Variants in ZNF292 observed in about 807,000 individuals in gnomAD.
ZNF292 encodes zinc finger protein 292.
A neutral mutation model predicts 217.9 loss-of-function variants in ZNF292; 26 were observed. That is an observed-to-expected ratio of 0.12 (90% CI 0.09 to 0.17). The LOEUF (loss-of-function observed/expected upper bound fraction) is 0.17, where lower values mean the gene tolerates loss of function less well. Among genes scored for constraint, ZNF292 ranks in the 10% least tolerant of loss-of-function variants. The pLI is 1.00. For synonymous variants in ZNF292, 1,257 were observed against 1,124.1 expected (o/e 1.12, Z -2.37); for missense variants, 2,904 against 3,175.2 (o/e 0.91, Z 2.05).
chr6:87,236,810 C>T (rs1773927657), intron 5 of ZNF292, among the ~76,000 whole-genome samples: 1 of 152,214 alleles, frequency 6.6e-6, no homozygotes, highest in Non-Finnish European at 1.5e-5. Flanking sequence ...GGACATGTTT[C>T]CATATCATTT....
At chr6:87,198,451 G>T (rs561668214) in intron 1 of ZNF292, among the ~76,000 whole-genome samples, 2 of 152,072 alleles carry the variant, frequency 1.3e-5, no homozygotes, top group Admixed American at 6.6e-5. Context: ...TGATCCGCCC[G>T]CCTGGGCCTC....
chr6:87,174,366 T>TA (rs1470350966), intron 1 of ZNF292: 1 of 133,822 alleles, frequency 7.5e-6, no homozygotes, highest in Non-Finnish European at 1.6e-5. Flanking sequence ...GTTTTACAGT[T>TA]AAAAAATAGA....
chr6:87,169,095 T>G (rs1478980942), intron 1 of ZNF292, among the ~76,000 whole-genome samples: 3 of 152,160 alleles, frequency 2.0e-5, no homozygotes, highest in Non-Finnish European at 2.9e-5. Flanking sequence ...CCAGCTGCAG[T>G]GCAGTGGCAC....
intron 4 of ZNF292, among the ~76,000 whole-genome samples, chr6:87,230,981 A>C (rs1773622090): frequency 6.6e-6 from 1 of 152,198 alleles, no homozygotes; most frequent in African/African-American, 2.4e-5. Context: ...CTAGTGGGAA[A>C]AGCAGACTAG....
Position 87,256,867 on chromosome 6 carries a change from C to T in ZNF292, c.3238C>T (p.Leu1080=). Residue 1080 remains leucine (L), a synonymous_variant, in exon 8 of 8, where the codon CTA becomes TTA. Transcript: ENST00000369577. The stretch of plus-strand genomic sequence containing the variant: ...TGCATTTGTTCCACCGCAGTCCGAC[C>T]TAAGTAATTCATTAGGAACTCCATC... ...SIAFVPPQSD[L]SNSLGTPSVP... The T allele has an allele frequency of 1.2e-6, 2 of 1,613,820 alleles. No homozygotes were observed. The highest frequency in any genetic ancestry group is 1.7e-6 in the Non-Finnish European group (2 of 1,179,810).
chr6:87,265,724 CAA>C lies in ZNF292; in HGVS notation c.*3924_*3925del, dbSNP rs1775784305. ...ATGCTGATCTCAAATGGCATTTATT[CAA>C]CCAGGACTGATAATCAACGTGTACA... is the stretch of plus-strand genomic sequence containing the variant. On this transcript the variant is annotated 3_prime_UTR_variant, in exon 8 of 8. Coordinates refer to ENST00000369577, the MANE Select transcript of ZNF292 (RefSeq NM_015021.3). Among the ~76,000 whole-genome samples the C allele has an allele frequency of 6.6e-6, 1 of 152,178 alleles. No individual in the cohort carries two copies. The highest frequency in any genetic ancestry group is 2.4e-5 in the African/African-American group (1 of 41,444).
chr6:87,187,714 C>CAAAAAAAAAAA (rs10687268), intron 1 of ZNF292, among the ~76,000 whole-genome samples: 1 of 96,666 alleles, frequency 1.0e-5, no homozygotes, highest in Non-Finnish European at 2.0e-5. Flanking sequence ...GACTCTGCCT[C>CAAAAAAAAAAA]AAAAAAAAAA....
In ZNF292 at chr6:87,263,710, A is replaced by G. The variant is rs1478075291; in HGVS notation, c.*1909A>G. 2 of 152,074 alleles carry G rather than the reference A, an allele frequency of 1.3e-5. No homozygotes were observed. The highest frequency in any genetic ancestry group is 2.9e-5 in the Non-Finnish European group (2 of 67,978). The allele number at this position is 152,074 out of a possible 1,614,324, so 9.4% of individuals were successfully genotyped here. A position where few individuals can be genotyped will look rare whatever the true frequency, so the allele number is the denominator to read the frequency against. On this transcript the variant is annotated 3_prime_UTR_variant, in exon 8 of 8. Transcript: ENST00000369577. Reference sequence around the variant, plus strand: ...TTAATACATGGGTTTTCTTTTTCCTAAATTAACAATAATTTAAATAACTGA... The same window carrying G: ...TTAATACATGGGTTTTCTTTTTCCTGAATTAACAATAATTTAAATAACTGA...
At chr6:87,252,223 C>G (rs534865337) in intron 7 of ZNF292, among the ~76,000 whole-genome samples, 3 of 151,662 alleles carry the variant, frequency 2.0e-5, no homozygotes, top group Admixed American at 2.0e-4. Flanking sequence ...GCAGTCTCGG[C>G]TCACTGCAAC....
intron 1 of ZNF292, among the ~76,000 whole-genome samples, chr6:87,204,443 G>GA (rs1335251746): frequency 6.6e-6 from 1 of 151,208 alleles, no homozygotes; most frequent in Non-Finnish European, 1.5e-5. Context: ...AATAGCTTAG[G>GA]AAAAAAATGT....
intron 1 of ZNF292, among the ~76,000 whole-genome samples, chr6:87,209,607 T>G (rs1030051416): frequency 6.6e-6 from 1 of 152,244 alleles, no homozygotes; most frequent in African/African-American, 2.4e-5. Flanking sequence ...ATTAAGTGCA[T>G]AAACTGATAG....
rs1554201444 is a variant in ZNF292, at chr6:87,226,678, TA to T, written c.539-6646del. 5.1e-3 allele frequency among the ~76,000 whole-genome samples: 688 copies of T among 134,734 alleles called. 7 individuals carry two copies. The highest frequency in any genetic ancestry group is 0.016 in the African/African-American group (555 of 34,866). 88.4% of individuals were successfully genotyped at this position (134,734 alleles called of 152,430 possible). A position where few individuals can be genotyped will look rare whatever the true frequency, so the allele number is the denominator to read the frequency against. Reference sequence around the variant, plus strand: ...ATATATAGATATATAGATATATAGATATATAGATTTTTTTTTTTTGAGACGG... The same window carrying T: ...ATATATAGATATATAGATATATAGATTATAGATTTTTTTTTTTTGAGACGG... On this transcript the variant is annotated intron_variant, in intron 4 of 7. Transcript: ENST00000369577.
At chr6:87,163,177 C>T (rs1391131564) in intron 1 of ZNF292, among the ~76,000 whole-genome samples, 7 of 152,100 alleles carry the variant, frequency 4.6e-5, no homozygotes, top group Admixed American at 3.3e-4. Context: ...TAGGGCTGGG[C>T]GCGGTGGCTC....
chr6:87,207,295 C>T (rs549316268), intron 1 of ZNF292, among the ~76,000 whole-genome samples: 28 of 152,288 alleles, frequency 1.8e-4, no homozygotes, highest in Non-Finnish European at 4.0e-4. Flanking sequence ...TAAACATTTG[C>T]ATCTAAAACT....
At chr6:87,201,414 T>G (rs1011581540) in intron 1 of ZNF292, among the ~76,000 whole-genome samples, 14 of 152,222 alleles carry the variant, frequency 9.2e-5, no homozygotes, top group Admixed American at 8.5e-4. Context: ...TGTTTTATTT[T>G]TTTCTTTGTA....
At chr6:87,249,236 G>T in intron 7 of ZNF292, 1 of 172,292 alleles carries the variant, frequency 5.8e-6, no homozygotes, top group Non-Finnish European at 1.3e-5. Flanking sequence ...GAGCAATGCT[G>T]TCACCTCAGC....
At chr6:87,227,720 A>G (rs1196497365) in intron 4 of ZNF292, among the ~76,000 whole-genome samples, 1 of 152,138 alleles carries the variant, frequency 6.6e-6, no homozygotes, top group Non-Finnish European at 1.5e-5. Context: ...GACTTATTTC[A>G]CTTAGCATAA....
chr6:87,170,193 A>G (rs879775498), intron 1 of ZNF292: 2 of 152,260 alleles, frequency 1.3e-5, no homozygotes, highest in Non-Finnish European at 2.9e-5. Context: ...AAAACATAAA[A>G]GCCTGATACT....
intron 7 of ZNF292, among the ~76,000 whole-genome samples, chr6:87,249,679 A>C (rs1390065719): frequency 6.6e-6 from 1 of 152,114 alleles, no homozygotes; most frequent in Non-Finnish European, 1.5e-5. Flanking sequence ...AGAGAGGTTA[A>C]CCTCGATGTA....
Sources: gnomAD v4.1 joint callset for allele counts (sites outside exome capture counted in the v4.1 genomes callset) on GRCh38, gnomAD v4.1.1 for gene constraint, MANE v1.5 for transcripts, NCBI Gene and HGNC (gene_info 2026-07-23, HGNC 2026-07-21) for gene names.